FARS2: variants seen among roughly 807,000 people sequenced by gnomAD.
The protein encoded by FARS2 is phenylalanine--tRNA ligase, mitochondrial.
In FARS2, 40 loss-of-function variants were observed where a neutral mutation model predicts 46.4. The observed-to-expected ratio is 0.86, with a 90% CI of 0.67 to 1.12. The LOEUF (loss-of-function observed/expected upper bound fraction) is 1.12, where lower values mean the gene tolerates loss of function less well. FARS2 is among the 50% of genes most tolerant of loss of function. The pLI, the probability that FARS2 is intolerant of heterozygous loss-of-function variation, is 0.00. For missense variants in FARS2, 513 were observed against 567.9 expected, an observed-to-expected ratio of 0.90 and a Z score of 0.98; for synonymous variants, 234 against 214.9, an observed-to-expected ratio of 1.09 and a Z score of -0.78.
At chr6:5,418,549 A>C (rs1762370013) in intron 3 of FARS2, among the ~76,000 whole-genome samples, 1 of 152,176 alleles carries the variant, frequency 6.6e-6, no homozygotes, top group Admixed American at 6.5e-5. Context: ...GTGAGCTCCA[A>C]CTTTATTCCC....
intron 6 of FARS2, among the ~76,000 whole-genome samples, chr6:5,673,198 T>C (rs1778570988): frequency 6.6e-6 from 1 of 152,210 alleles, no homozygotes; most frequent in Non-Finnish European, 1.5e-5. Context: ...CACTGTCTAC[T>C]TCCCACGTTG....
chr6:5,346,273 A>T (rs1183242105), intron 1 of FARS2, among the ~76,000 whole-genome samples: 1 of 152,168 alleles, frequency 6.6e-6, no homozygotes, highest in Non-Finnish European at 1.5e-5. Context: ...GTTTTTATTC[A>T]CTGAGGCCCA....
At chr6:5,690,175 T>C (rs1212438632) in intron 6 of FARS2, among the ~76,000 whole-genome samples, 1 of 152,208 alleles carries the variant, frequency 6.6e-6, no homozygotes, top group Non-Finnish European at 1.5e-5. Flanking sequence ...TGTCTTTTAA[T>C]TGGAGCATTT....
At chr6:5,318,509 AGTCTCACTAT>A (rs1769724326) in intron 1 of FARS2, among the ~76,000 whole-genome samples, 1 of 151,944 alleles carries the variant, frequency 6.6e-6, no homozygotes, top group Non-Finnish European at 1.5e-5. Flanking sequence ...GGAGTGCCAG[AGTCTCACTAT>A]GTTACCAGCT....
intron 4 of FARS2, among the ~76,000 whole-genome samples, chr6:5,521,656 T>C (rs1769145306): frequency 6.6e-6 from 1 of 152,182 alleles, no homozygotes; most frequent in Admixed American, 6.5e-5. Flanking sequence ...TAACTAAAAT[T>C]TGGATACAGG....
intron 5 of FARS2, among the ~76,000 whole-genome samples, chr6:5,581,467 G>A (rs2150581275): frequency 6.6e-6 from 1 of 152,272 alleles, no homozygotes; most frequent in Middle Eastern, 3.4e-3. Context: ...GCTGAACATC[G>A]TCCCAGAGGG....
chr6:5,687,024 C>T (rs1446408951), intron 6 of FARS2, among the ~76,000 whole-genome samples: 2 of 152,046 alleles, frequency 1.3e-5, no homozygotes, highest in Non-Finnish European at 2.9e-5. Flanking sequence ...CTGTTCATAT[C>T]CTTTGCCCAC....
chr6:5,736,901 C>T (rs1381983481), intron 6 of FARS2, among the ~76,000 whole-genome samples: 2 of 152,168 alleles, frequency 1.3e-5, no homozygotes, highest in Non-Finnish European at 2.9e-5. Flanking sequence ...TGCATCCCAT[C>T]TCACTCATCT....
chr6:5,330,073 C>T (rs1230475531), intron 1 of FARS2, among the ~76,000 whole-genome samples: 1 of 152,144 alleles, frequency 6.6e-6, no homozygotes, highest in Non-Finnish European at 1.5e-5. Context: ...ACAAAATATA[C>T]TCCTAGCTTC....
At position 5,600,987 on chromosome 6, in the gene FARS2, G is replaced by T. The variant is rs568349003; in HGVS notation, c.1066-12182G>T. The stretch of plus-strand genomic sequence containing the variant: ...GGTAGATCTCTCAGGAATGGGATTA[G>T]TGCCATTAGAGGAAGAGACAGCAGA... On this transcript the variant is annotated intron_variant, in intron 5 of 6. Coordinates refer to ENST00000274680, the MANE Select transcript of FARS2 (RefSeq NM_006567.5). Among the ~76,000 whole-genome samples, 4 of 149,868 alleles carry T rather than the reference G, an allele frequency of 2.7e-5. No individual in the cohort carries two copies. The East Asian group carries it at 8.0e-4, about 30-fold the overall frequency.
chr6:5,404,832 C>G, intron 3 of FARS2, 131 bp downstream of exon 3: 1 of 614,088 alleles, frequency 1.6e-6, no homozygotes, highest in Non-Finnish European at 2.5e-6. Context: ...CGGAGTCTTG[C>G]TCTGTCACCC....
intron 5 of FARS2, among the ~76,000 whole-genome samples, chr6:5,576,377 TCCCAGC>T (rs1772964141): frequency 6.6e-6 from 1 of 151,922 alleles, no homozygotes; most frequent in African/African-American, 2.4e-5. Flanking sequence ...TGGCCTAGCC[TCCCAGC>T]CTACATCTAT....
At chr6:5,712,006 C>A (rs1425775411) in intron 6 of FARS2, among the ~76,000 whole-genome samples, 2 of 152,054 alleles carry the variant, frequency 1.3e-5, no homozygotes, top group Non-Finnish European at 2.9e-5. Flanking sequence ...AAATCTAAAG[C>A]TTCTAAAATA....
At chr6:5,328,237 A>T (rs923059618) in intron 1 of FARS2, among the ~76,000 whole-genome samples, 1 of 152,192 alleles carries the variant, frequency 6.6e-6, no homozygotes, top group African/African-American at 2.4e-5. Flanking sequence ...TAGCAAGAGA[A>T]TGCTCAGTCT....
At chr6:5,548,098 A>C (rs1771149083) in intron 5 of FARS2, among the ~76,000 whole-genome samples, 1 of 152,124 alleles carries the variant, frequency 6.6e-6, no homozygotes, top group South Asian at 2.1e-4. Context: ...AAAATCAGAA[A>C]CCCCTGATAA....
intron 4 of FARS2, among the ~76,000 whole-genome samples, chr6:5,444,422 GC>G (rs1307596866): frequency 1.4e-5 from 2 of 140,236 alleles, no homozygotes; most frequent in East Asian, 4.3e-4. Flanking sequence ...AGCCGAGATT[GC>G]GCCATTGCAC....
rs150036640 is a variant in FARS2, at chr6:5,473,384, G to A, written c.904+42212G>A. Among the ~76,000 whole-genome samples, 126 of 152,096 alleles carry A rather than the reference G, an allele frequency of 8.3e-4. 1 individual carries two copies. The highest frequency in any genetic ancestry group is 2.8e-3 in the African/African-American group (118 of 41,508). ...TACTAAAAATACAAAAAAATTAGCC[G>A]GGAATGGTGGCGTGTGCCTGTAGTC... On this transcript the variant is annotated intron_variant, in intron 4 of 6. Coordinates refer to ENST00000274680, the MANE Select transcript of FARS2 (RefSeq NM_006567.5).
At chr6:5,691,582 G>T (rs563841513) in intron 6 of FARS2, among the ~76,000 whole-genome samples, 2 of 152,280 alleles carry the variant, frequency 1.3e-5, no homozygotes, top group South Asian at 4.1e-4. Flanking sequence ...GGCCGTGTGA[G>T]GTGTCAGTCT....
intron 2 of FARS2, among the ~76,000 whole-genome samples, chr6:5,372,262 C>T (rs1298904956): frequency 6.6e-6 from 1 of 152,072 alleles, no homozygotes; most frequent in African/African-American, 2.4e-5. Flanking sequence ...TGTAAAGATA[C>T]AGACAGTCTG....
Sources: gnomAD v4.1 joint callset for allele counts (sites outside exome capture counted in the v4.1 genomes callset) on GRCh38, gnomAD v4.1.1 for gene constraint, MANE v1.5 for transcripts, NCBI Gene and HGNC (gene_info 2026-07-23, HGNC 2026-07-21) for gene names.